PEAR1: variants seen among roughly 807,000 people sequenced by gnomAD.
PEAR1 encodes platelet endothelial aggregation receptor 1, also known as multiple EGF-like domains protein 12.
Under a neutral mutation model 131.2 loss-of-function variants are expected in PEAR1, and 113 were observed. That is an observed-to-expected ratio of 0.86 (90% CI 0.74 to 1.01). PEAR1 has a LOEUF of 1.01. PEAR1 is among the 50% of genes least tolerant of loss of function. The probability of loss-of-function intolerance (pLI) is 0.00; values close to 1 mark genes in which losing one functional copy is unlikely to be tolerated. For synonymous variants in PEAR1, 565 were observed against 523.3 expected (o/e 1.08, Z -1.09); for missense variants, 1,408 against 1,391.1 (o/e 1.01, Z -0.19).
chr1:156,901,169 G>A (rs1000619147), intron 1 of PEAR1, among the ~76,000 whole-genome samples: 2 of 152,220 alleles, frequency 1.3e-5, no homozygotes, highest in Admixed American at 6.5e-5. Context: ...CCCCTGGGCT[G>A]ACCAGCTGAT....
At chr1:156,912,215 GC>G in intron 15 of PEAR1, 31 bp from the exon 16 acceptor site, 1 of 1,584,508 alleles carries the variant, frequency 6.3e-7, no homozygotes, top group Non-Finnish European at 8.6e-7. Context: ...AGCTGTACCT[GC>G]CCCACCAGAC....
rs764910140 is a variant in PEAR1, at chr1:156,905,430, T to A, written c.307+6T>A. On this transcript the variant is annotated splice_donor_region_variant and intron_variant, in intron 4 of 22. Coordinates refer to ENST00000292357, the MANE Select transcript of PEAR1 (RefSeq NM_001080471.3). ...GAGCAGGGGGTTCTGTGTCCGTGAG[T>A]CCAGGGTTGGGTTAGGGAGCGGGGT... 11 of 1,597,050 alleles carry A rather than the reference T, an allele frequency of 6.9e-6. No individual in the cohort carries two copies. Among genetic ancestry groups the A allele is most frequent in the Non-Finnish European group, 9.4e-6 (11 of 1,172,296 alleles).
In PEAR1 at chr1:156,907,911, A is replaced by G. The variant is rs982771166; in HGVS notation, c.766-4A>G. The G allele has an allele frequency of 4.4e-6, 7 of 1,597,284 alleles. No homozygotes were observed. The highest frequency in any genetic ancestry group is 2.7e-5 in the African/African-American group (2 of 74,570). ...GGGGCCCTGTTGACCTCTTATCCCCACAGGGCACCATCTGCTCCCTGCCCT... is the reference window on the plus strand; with the variant it reads ...GGGGCCCTGTTGACCTCTTATCCCCGCAGGGCACCATCTGCTCCCTGCCCT... On this transcript the variant is annotated splice_region_variant and splice_polypyrimidine_tract_variant and intron_variant, in intron 7 of 22. Transcript: ENST00000292357.
intron 11 of PEAR1, 126 bp from the exon 12 acceptor site, chr1:156,909,625 G>T: frequency 9.7e-7 from 1 of 1,026,440 alleles, no homozygotes; most frequent in Non-Finnish European, 1.4e-6. Flanking sequence ...TCTCCTGTAT[G>T]GTGCCGTGAA....
intron 11 of PEAR1, 72 bp downstream of exon 11, chr1:156,909,108 T>G: frequency 6.3e-7 from 1 of 1,595,754 alleles, no homozygotes; most frequent in Non-Finnish European, 8.5e-7. Context: ...TCCAAGAGTA[T>G]GGGTGGGCCA....
chr1:156,913,611 G>T (rs935529975), intron 20 of PEAR1, 81 bp from the exon 21 acceptor site: 11 of 1,597,260 alleles, frequency 6.9e-6, no homozygotes, highest in Middle Eastern at 2.0e-4. Context: ...GGAGACGGGG[G>T]CTCTGGGCCC....
intron 1 of PEAR1, among the ~76,000 whole-genome samples, chr1:156,894,991 G>A (rs1185301317): frequency 6.6e-6 from 1 of 152,204 alleles, no homozygotes; most frequent in Admixed American, 6.5e-5. Context: ...TCATAAGCCA[G>A]GGTGTGGGCG....
rs1651307591 is a variant in PEAR1 at position 156,912,340 on chromosome 1, G to T, written c.2045G>T (p.Cys682Phe). Residue 682 changes from cysteine (C) to phenylalanine (F), a missense_variant, in exon 16 of 23, where the codon TGC becomes TTC. Physicochemically the swap from Cys to Phe is radical, Grantham distance 205. Transcript: ENST00000292357. ...TCHPQDGSCICPLGWTGHHCL... is the reference protein window; with the variant it reads ...TCHPQDGSCIFPLGWTGHHCL... ...CATCCCCAGGATGGGAGCTGTATCT[G>T]CCCCCTAGGCTGGACTGGACACCAC... The T allele has an allele frequency of 6.2e-7, 1 of 1,613,830 alleles. No homozygotes were observed. Among genetic ancestry groups the T allele is most frequent in the African/African-American group, 1.3e-5 (1 of 74,896 alleles).
intron 4 of PEAR1, among the ~76,000 whole-genome samples, chr1:156,905,958 A>G (rs1650253890): frequency 6.6e-6 from 1 of 152,112 alleles, no homozygotes; most frequent in African/African-American, 2.4e-5. Flanking sequence ...ACTGCTCTCC[A>G]GAGAACCCCG....
chr1:156,912,842 T>G lies in PEAR1; in HGVS notation c.2282T>G (p.Ile761Ser), dbSNP rs145923431. 1 of 1,614,114 alleles carries G rather than the reference T, an allele frequency of 6.2e-7. No homozygotes were observed. The highest frequency in any genetic ancestry group is 1.3e-5 in the African/African-American group (1 of 74,938). The change falls in exon 18 of 23, where the codon ATT becomes AGT. Residue 761 changes from isoleucine (I) to serine (S), a missense_variant. Physicochemically the swap from Ile to Ser is moderately radical, Grantham distance 142. Coordinates refer to ENST00000292357, the MANE Select transcript of PEAR1 (RefSeq NM_001080471.3). ...AYNSLGAVIG[I>S]AVLGSLVVAL... Reference sequence around the variant, plus strand: ...AACTCGCTGGGTGCAGTGATTGGCATTGCAGTGCTGGGGTCCCTTGTGGTA... The same window carrying G: ...AACTCGCTGGGTGCAGTGATTGGCAGTGCAGTGCTGGGGTCCCTTGTGGTA...
Position 156,908,904 on chromosome 1 carries a change from ACC to A in PEAR1, c.1291-10_1291-9del. ...AATGGGCCGCCCCTCTCACCCGCTC[ACC>A]CTCTTTCAGGGCCCTCACTGTGCTA... On this transcript the variant is annotated splice_polypyrimidine_tract_variant and intron_variant, in intron 10 of 22. Transcript: ENST00000292357. This position sits in a 1 kb window ranked among gnomAD's most constrained non-coding sequence, Gnocchi z 4.2. 1 of 1,612,446 alleles carries A rather than the reference ACC, an allele frequency of 6.2e-7. No individual in the cohort carries two copies. Among genetic ancestry groups the A allele is most frequent in the African/African-American group, 1.3e-5 (1 of 74,982 alleles).
intron 17 of PEAR1, 37 bp from the exon 18 acceptor site, chr1:156,912,733 A>G: frequency 6.2e-7 from 1 of 1,613,462 alleles, no homozygotes; most frequent in Non-Finnish European, 8.5e-7. Context: ...CAGCAGAGCC[A>G]AGATGCCATT....
intron 22 of PEAR1, among the ~76,000 whole-genome samples, chr1:156,914,375 A>G (rs984413825): frequency 6.6e-6 from 1 of 152,158 alleles, no homozygotes; most frequent in Non-Finnish European, 1.5e-5. Flanking sequence ...TGGTACCCAG[A>G]AAAGTAGGGA....
Position 156,912,324 on chromosome 1 carries a change from G to T in PEAR1, c.2029G>T (p.Asp677Tyr), listed in dbSNP as rs202206234. The part of the protein sequence containing the change: ...CHHGGTCHPQ[D>Y]GSCICPLGWT... ...CCATGGTGGGACCTGCCATCCCCAG[G>T]ATGGGAGCTGTATCTGCCCCCTAGG... The change falls in exon 16 of 23, where the codon GAT becomes TAT. Residue 677 changes from aspartate to tyrosine, a missense_variant. Coordinates refer to ENST00000292357, the MANE Select transcript of PEAR1 (RefSeq NM_001080471.3). 2.5e-6 allele frequency: 4 copies of T among 1,613,944 alleles called. No individual in the cohort carries two copies. The highest frequency in any genetic ancestry group is 3.4e-6 in the Non-Finnish European group (4 of 1,180,012).
In PEAR1 at chr1:156,908,418, G is replaced by A; in HGVS notation, c.1115+78G>A. 2 of 1,420,446 alleles carry A rather than the reference G, an allele frequency of 1.4e-6. No individual in the cohort carries two copies. The highest frequency in any genetic ancestry group is 1.9e-6 in the Non-Finnish European group (2 of 1,076,772). 88.0% of individuals were successfully genotyped at this position (1,420,446 alleles called of 1,614,324 possible). On this transcript the variant is annotated intron_variant, in intron 9 of 22. Transcript: ENST00000292357. The surrounding 1 kb of genome is among the most constrained non-coding windows in gnomAD (Gnocchi z 4.2). ...CCTGGCCGAAGTCACCACAGAGCCA[G>A]GGCCATATCCAAGGGGGACAGGTGT... is the stretch of plus-strand genomic sequence containing the variant.
chr1:156,894,341 G>T (rs1648946008), intron 1 of PEAR1, among the ~76,000 whole-genome samples: 1 of 152,224 alleles, frequency 6.6e-6, no homozygotes, highest in Non-Finnish European at 1.5e-5. Context: ...CATTTCTAAA[G>T]GAGAATAATA....
At chr1:156,914,386 G>A (rs927626131) in intron 22 of PEAR1, among the ~76,000 whole-genome samples, 3 of 152,178 alleles carry the variant, frequency 2.0e-5, no homozygotes, top group African/African-American at 7.2e-5. Context: ...AAAGTAGGGA[G>A]CCAGGCAGGT....
rs1649462525 is a variant in PEAR1 at position 156,899,397 on chromosome 1, T to G, written c.-9-4521T>G. On this transcript the variant is annotated intron_variant, in intron 1 of 22. Coordinates refer to ENST00000292357, the MANE Select transcript of PEAR1 (RefSeq NM_001080471.3). ...TCTGCCTTGTCAACCGCATCTGGCTTGAAGATGCACCTGGCGGGCAGCCCA... is the reference window on the plus strand; with the variant it reads ...TCTGCCTTGTCAACCGCATCTGGCTGGAAGATGCACCTGGCGGGCAGCCCA... Among the ~76,000 whole-genome samples, 4 of 151,358 alleles carry G rather than the reference T, an allele frequency of 2.6e-5. No homozygotes were observed. In the South Asian group the frequency reaches 8.4e-4, roughly 32 times the overall value.
Position 156,914,052 on chromosome 1 carries a change from C to A in PEAR1, c.2914C>A (p.Pro972Thr). The A allele has an allele frequency of 1.2e-6, 2 of 1,608,420 alleles. No homozygotes were observed. The highest frequency in any genetic ancestry group is 1.7e-6 in the Non-Finnish European group (2 of 1,177,448). The change falls in exon 22 of 23, where the codon CCA becomes ACA. Residue 972 changes from proline (P) to threonine (T), a missense_variant. By Grantham distance (38) the Pro-to-Thr change is conservative (BLOSUM62 -1). Coordinates refer to ENST00000292357, the MANE Select transcript of PEAR1 (RefSeq NM_001080471.3). The stretch of plus-strand genomic sequence containing the variant: ...CAGCCAGAGGCGGCGGCAACCCCAG[C>A]CACAGAGAGACAGTGGCACCTACGA... ...WDSQRRRQPQ[P>T]QRDSGTYEQP...
Sources: allele counts gnomAD v4.1 joint callset (sites outside exome capture counted in the v4.1 genomes callset), GRCh38; gene constraint gnomAD v4.1.1; non-coding constraint Gnocchi (gnomAD v3.1); transcripts MANE v1.5; gene names NCBI Gene and HGNC (gene_info 2026-07-23, HGNC 2026-07-21).